Variants in RNF217 observed in about 807,000 individuals in gnomAD.
RNF217 encodes the protein ring finger protein 217.
RNF217 carries 31 observed loss-of-function variants against 57.8 expected under a neutral mutation model. The observed-to-expected ratio is 0.54, with a 90% CI of 0.40 to 0.72. RNF217 has a LOEUF of 0.72. RNF217 is among the 30% of genes least tolerant of loss of function. RNF217 has a pLI of 0.00. For synonymous variants in RNF217, 313 were observed against 294.0 expected, an observed-to-expected ratio of 1.06 and a Z score of -0.66; for missense variants, 696 against 708.3, an observed-to-expected ratio of 0.98 and a Z score of 0.20.
intron 1 of RNF217, among the ~76,000 whole-genome samples, chr6:124,982,181 A>G (rs1784200473): frequency 6.6e-6 from 1 of 152,126 alleles, no homozygotes; most frequent in South Asian, 2.1e-4. Context: ...GTACTTTCCA[A>G]CTTGACTTTT....
chr6:125,065,056 A>C (rs1405427354), intron 3 of RNF217, among the ~76,000 whole-genome samples: 2 of 152,022 alleles, frequency 1.3e-5, no homozygotes, highest in African/African-American at 4.8e-5. Flanking sequence ...CGGGCGGATC[A>C]CGAGGTCAGG....
At chr6:125,078,210 C>A (rs915531441) in intron 4 of RNF217, among the ~76,000 whole-genome samples, 2 of 152,094 alleles carry the variant, frequency 1.3e-5, no homozygotes, top group African/African-American at 4.8e-5. Context: ...GGAGGGATAA[C>A]TAGGGAATCT....
chr6:125,004,846 G>A (rs1307258703), intron 1 of RNF217, among the ~76,000 whole-genome samples: 1 of 152,134 alleles, frequency 6.6e-6, no homozygotes, highest in Admixed American at 6.5e-5. Flanking sequence ...GGAAATAAAG[G>A]CACTTTCTAA....
chr6:125,007,589 CATTTGTTCTGTTT>C (rs1268731704), intron 1 of RNF217, among the ~76,000 whole-genome samples: 1 of 152,148 alleles, frequency 6.6e-6, no homozygotes, highest in Non-Finnish European at 1.5e-5. Flanking sequence ...AGCATCTTCC[CATTTGTTCTGTTT>C]TCTTCAGTGC....
chr6:125,050,114 T>C (rs1443463543), intron 2 of RNF217, among the ~76,000 whole-genome samples: 1 of 151,894 alleles, frequency 6.6e-6, no homozygotes, highest in Admixed American at 6.6e-5. Flanking sequence ...TAAAAGTAGT[T>C]ATTTTACTCA....
rs900847838 is a variant in RNF217, at chr6:124,963,525, C to T, written c.882+99C>T. On this transcript the variant is annotated intron_variant, in intron 1 of 5. Transcript: ENST00000521654. The stretch of plus-strand genomic sequence containing the variant: ...CTCCCTGCTCGCGCGAAGAGGTGAC[C>T]GACACACTTACTGAGGATCTCTGTT... The T allele has an allele frequency of 7.5e-6, 10 of 1,332,956 alleles. No homozygotes were observed. The African/African-American group carries it at 8.9e-5, about 12-fold the overall frequency. 82.6% of individuals were successfully genotyped at this position (1,332,956 alleles called of 1,614,324 possible).
At chr6:125,030,439 CA>C (rs1358234149) in intron 1 of RNF217, among the ~76,000 whole-genome samples, 2 of 152,124 alleles carry the variant, frequency 1.3e-5, no homozygotes, top group African/African-American at 4.8e-5. Context: ...TCTGTAAAAT[CA>C]AAAGCAAGCT....
intron 3 of RNF217, among the ~76,000 whole-genome samples, chr6:125,068,912 G>A (rs1014914105): frequency 6.6e-6 from 1 of 152,088 alleles, no homozygotes; most frequent in Middle Eastern, 3.2e-3. Context: ...GAAGGATTTA[G>A]TAGGATGACA....
intron 1 of RNF217, among the ~76,000 whole-genome samples, chr6:125,032,905 T>C (rs569647376): frequency 1.3e-5 from 2 of 152,262 alleles, no homozygotes; most frequent in African/African-American, 4.8e-5. Context: ...TGTACAGTTA[T>C]TATTTTAACT....
chr6:125,015,776 G>C (rs1463526151), intron 1 of RNF217, among the ~76,000 whole-genome samples: 1 of 151,974 alleles, frequency 6.6e-6, no homozygotes, highest in African/African-American at 2.4e-5. Context: ...ACACACATAT[G>C]TAACATGTAA....
intron 1 of RNF217, among the ~76,000 whole-genome samples, chr6:125,029,743 C>G (rs1011019242): frequency 6.6e-6 from 1 of 152,044 alleles, no homozygotes; most frequent in Non-Finnish European, 1.5e-5. Flanking sequence ...AAGAAATGAT[C>G]TTGTCATTAT....
At chr6:125,049,065 A>G (rs766737934) in intron 2 of RNF217, among the ~76,000 whole-genome samples, 14 of 152,018 alleles carry the variant, frequency 9.2e-5, no homozygotes, top group Non-Finnish European at 1.6e-4. Flanking sequence ...TTCCATTTCT[A>G]CAAGGTTGAC....
intron 1 of RNF217, among the ~76,000 whole-genome samples, chr6:124,967,857 C>T (rs1362749614): frequency 6.6e-6 from 1 of 152,106 alleles, no homozygotes. Flanking sequence ...TGGCTCACTG[C>T]AACCTTTGCC....
chr6:124,986,765 A>G (rs1371596291), intron 1 of RNF217, among the ~76,000 whole-genome samples: 1 of 152,220 alleles, frequency 6.6e-6, no homozygotes, highest in African/African-American at 2.4e-5. Context: ...AATACAAGAG[A>G]AAAGACAAAT....
At chr6:125,045,514 C>T (rs1787063320) in intron 2 of RNF217, 70 bp downstream of exon 2, 23 of 1,171,240 alleles carry the variant, frequency 2.0e-5, no homozygotes, top group South Asian at 8.6e-5. Flanking sequence ...ATCCACTTGT[C>T]GTGGGCATTA....
rs1788911466 is a variant in RNF217 at position 125,090,640 on chromosome 6, A to G, written c.*7703A>G. The G allele has an allele frequency of 6.6e-6, 1 of 151,818 alleles. No individual in the cohort carries two copies. Among genetic ancestry groups the G allele is most frequent in the Non-Finnish European group, 1.5e-5 (1 of 67,820 alleles). The allele number at this position is 151,818 out of a possible 1,614,324, so 9.4% of individuals were successfully genotyped here. A position where few individuals can be genotyped will look rare whatever the true frequency, so the allele number is the denominator to read the frequency against. On this transcript the variant is annotated 3_prime_UTR_variant, in exon 6 of 6. Coordinates refer to ENST00000521654, the MANE Select transcript of RNF217 (RefSeq NM_001286398.3). Reference sequence around the variant, plus strand: ...GAAAATTAGAAGAAATTTCTTGATCATAAGATGAATAGTAATTTGTACCAG... The same window carrying G: ...GAAAATTAGAAGAAATTTCTTGATCGTAAGATGAATAGTAATTTGTACCAG...
chr6:125,002,047 A>G (rs986384556), intron 1 of RNF217, among the ~76,000 whole-genome samples: 3 of 152,308 alleles, frequency 2.0e-5, no homozygotes, highest in Admixed American at 6.5e-5. Context: ...TCTTTTTATG[A>G]GCCCCAAACT....
chr6:124,984,311 G>T (rs1582669336), intron 1 of RNF217, among the ~76,000 whole-genome samples: 1 of 152,104 alleles, frequency 6.6e-6, no homozygotes, highest in East Asian at 1.9e-4. Context: ...CTTTGGGAAG[G>T]CAAGGTGGGT....
intron 1 of RNF217, among the ~76,000 whole-genome samples, chr6:124,979,604 T>C (rs181321350): frequency 1.2e-4 from 19 of 152,276 alleles, no homozygotes; most frequent in African/African-American, 4.6e-4. Flanking sequence ...GCAATGAGGT[T>C]GCAGCAGCAC....
Sources: allele counts gnomAD v4.1 joint callset (sites outside exome capture counted in the v4.1 genomes callset), GRCh38; gene constraint gnomAD v4.1.1; transcripts MANE v1.5; gene names NCBI Gene and HGNC (gene_info 2026-07-23, HGNC 2026-07-21).